Variants in IFT140 observed in about 807,000 individuals in gnomAD.
IFT140 encodes intraflagellar transport 140, also known as intraflagellar transport protein 140 homolog.
In IFT140, 133 loss-of-function variants were observed where a neutral mutation model predicts 164.6. That is an observed-to-expected ratio of 0.81 (90% CI 0.70 to 0.93). The LOEUF is 0.93. IFT140 is among the 40% of genes least tolerant of loss of function. The probability of loss-of-function intolerance (pLI) is 0.00; values close to 1 mark genes in which losing one functional copy is unlikely to be tolerated. For synonymous variants in IFT140, 860 were observed against 817.3 expected, an observed-to-expected ratio of 1.05 and a Z score of -0.89; for missense variants, 2,045 against 1,972.3, an observed-to-expected ratio of 1.04 and a Z score of -0.70.
intron 4 of IFT140, among the ~76,000 whole-genome samples, chr16:1,594,780 C>T (rs955237284): frequency 6.6e-6 from 1 of 152,182 alleles, no homozygotes; most frequent in African/African-American, 2.4e-5. Context: ...GGCAGCATCT[C>T]AGTCTGAGTC....
chr16:1,607,073 T>C, intron 3 of IFT140, 47 bp downstream of exon 3: 3 of 1,594,250 alleles, frequency 1.9e-6, no homozygotes, highest in Non-Finnish European at 2.6e-6. Context: ...ACAAACAACA[T>C]GAGCCAGAAG....
At chr16:1,578,727 T>C (rs2034401353) in intron 13 of IFT140, among the ~76,000 whole-genome samples, 1 of 152,038 alleles carries the variant, frequency 6.6e-6, no homozygotes, top group African/African-American at 2.4e-5. Context: ...TAAAAAGAAA[T>C]ACAAACATTA....
chr16:1,529,797 G>A (rs949460847), intron 19 of IFT140, among the ~76,000 whole-genome samples: 3 of 152,206 alleles, frequency 2.0e-5, no homozygotes, highest in South Asian at 2.1e-4. Context: ...CAGCTGCCCC[G>A]TGCTGAGACA....
intron 20 of IFT140, 72 bp downstream of exon 20, chr16:1,526,547 T>C: frequency 3.6e-6 from 5 of 1,396,074 alleles, no homozygotes; most frequent in African/African-American, 1.5e-5. Flanking sequence ...GCGTGCCTCC[T>C]CCTTCCCCAG....
Position 1,534,528 on chromosome 16 carries a change from T to C in IFT140, c.2400-7732A>G, listed in dbSNP as rs745887023. ...GGGCTGGGGCTCCGAGGCAGCCGGC[T>C]TCCAGGAGTCCCGAGGCACCGTCAA... On this transcript the variant is annotated intron_variant, in intron 19 of 30. Transcript: ENST00000426508. 13 of 1,605,890 alleles carry C rather than the reference T, an allele frequency of 8.1e-6. No individual in the cohort carries two copies. The African/African-American group carries it at 1.6e-4, about 20-fold the overall frequency.
intron 13 of IFT140, chr16:1,577,404 T>C (rs1182554411): frequency 6.6e-6 from 1 of 152,158 alleles, no homozygotes; most frequent in African/African-American, 2.4e-5. Context: ...ACATATGAAA[T>C]ATGTGTTAAT....
intron 19 of IFT140, among the ~76,000 whole-genome samples, chr16:1,547,056 T>G (rs866058872): frequency 1.3e-5 from 2 of 152,384 alleles, no homozygotes; most frequent in Middle Eastern, 6.8e-3. Flanking sequence ...GGTTTCCCCT[T>G]GTTTTGGTGC....
intron 3 of IFT140, among the ~76,000 whole-genome samples, chr16:1,603,683 A>G (rs1419982436): frequency 6.6e-6 from 1 of 152,136 alleles, no homozygotes; most frequent in African/African-American, 2.4e-5. Context: ...GTGTTTCATC[A>G]TATTGGCCAG....
At chr16:1,538,999 TGCCAC>T (rs1398130073) in intron 19 of IFT140, among the ~76,000 whole-genome samples, 1 of 152,070 alleles carries the variant, frequency 6.6e-6, no homozygotes, top group African/African-American at 2.4e-5. Context: ...AGCTGCACGG[TGCCAC>T]GCGGCCCCCC....
At chr16:1,602,328 G>C (rs1206231961) in intron 4 of IFT140, 42 bp downstream of exon 4, 1 of 1,549,990 alleles carries the variant, frequency 6.5e-7, no homozygotes, top group African/African-American at 1.4e-5. Flanking sequence ...TGGTCAGAAA[G>C]GGTCAAGGTC....
intron 19 of IFT140, among the ~76,000 whole-genome samples, chr16:1,528,164 C>A (rs1192810197): frequency 6.6e-6 from 1 of 152,112 alleles, no homozygotes; most frequent in Non-Finnish European, 1.5e-5. Flanking sequence ...CTGACGTGGG[C>A]TCAGGGCTTC....
chr16:1,522,973 T>TAA (rs765103820), intron 26 of IFT140, among the ~76,000 whole-genome samples: 4 of 151,950 alleles, frequency 2.6e-5, no homozygotes, highest in Non-Finnish European at 4.4e-5. Context: ...ACAGTCCCAG[T>TAA]GCTTTGGGAG....
At position 1,540,773 on chromosome 16, in the gene IFT140, T is replaced by G. The variant is rs548475882; in HGVS notation, c.2400-13977A>C. 14 of 936,612 alleles carry G rather than the reference T, an allele frequency of 1.5e-5. No homozygotes were observed. The African/African-American group carries it at 2.3e-4, about 15-fold the overall frequency. 58.0% of individuals were successfully genotyped at this position (936,612 alleles called of 1,614,324 possible). Reference sequence around the variant, plus strand: ...TTTCAAGGCAAGTCATTTAAAAAGGTGCAACTGTTTATAACGACTTAGTTT... The same window carrying G: ...TTTCAAGGCAAGTCATTTAAAAAGGGGCAACTGTTTATAACGACTTAGTTT... On this transcript the variant is annotated intron_variant, in intron 19 of 30. Transcript: ENST00000426508.
rs576507255 is a variant in IFT140 at position 1,602,196 on chromosome 16, G to C, written c.369+174C>G. On this transcript the variant is annotated intron_variant, in intron 4 of 30. Transcript: ENST00000426508. ...AAGGTGCAGACACACCTTTGCCACAGAGTGGCAAATTTTCAAGCCTTGCTT... is the reference window on the plus strand; with the variant it reads ...AAGGTGCAGACACACCTTTGCCACACAGTGGCAAATTTTCAAGCCTTGCTT... 3.9e-4 allele frequency: 248 copies of C among 634,034 alleles called. 1 individual carries two copies. The highest frequency in any genetic ancestry group is 6.0e-4 in the Non-Finnish European group (217 of 360,806). The allele number at this position is 634,034 out of a possible 1,614,324, so 39.3% of individuals were successfully genotyped here.
intron 18 of IFT140, among the ~76,000 whole-genome samples, chr16:1,558,761 A>G (rs2033243128): frequency 6.6e-6 from 1 of 152,126 alleles, no homozygotes; most frequent in Non-Finnish European, 1.5e-5. Context: ...CCTCATCTGG[A>G]TCCCGTTTCT....
At chr16:1,609,636 A>G (rs1308201652) in intron 2 of IFT140, among the ~76,000 whole-genome samples, 1 of 152,246 alleles carries the variant, frequency 6.6e-6, no homozygotes, top group East Asian at 1.9e-4. Context: ...TTGTATCAAT[A>G]TAAGAAACGG....
At position 1,531,955 on chromosome 16, in the gene IFT140, C is replaced by T. The variant is rs1317237287; in HGVS notation, c.2400-5159G>A. Reference sequence around the variant, plus strand: ...TTGTTGGAAGTTAGCCATTTGAAGACTCCCGAAAGATTAATGGTTTAGTTA... The same window carrying T: ...TTGTTGGAAGTTAGCCATTTGAAGATTCCCGAAAGATTAATGGTTTAGTTA... On this transcript the variant is annotated intron_variant, in intron 19 of 30. Coordinates refer to ENST00000426508, the MANE Select transcript of IFT140 (RefSeq NM_014714.4). This position sits in a 1 kb window ranked among gnomAD's most constrained non-coding sequence, Gnocchi z 4.7. 1 of 152,272 alleles carries T rather than the reference C, an allele frequency of 6.6e-6. No individual in the cohort carries two copies. The highest frequency in any genetic ancestry group is 1.5e-5 in the Non-Finnish European group (1 of 68,060). 9.4% of individuals were successfully genotyped at this position (152,272 alleles called of 1,614,324 possible). A position where few individuals can be genotyped will look rare whatever the true frequency, so the allele number is the denominator to read the frequency against.
intron 19 of IFT140, among the ~76,000 whole-genome samples, chr16:1,543,074 C>T (rs2031803180): frequency 6.6e-6 from 1 of 152,232 alleles, no homozygotes; most frequent in South Asian, 2.1e-4. Context: ...CTGGGGCAGG[C>T]TCAGGTCTCC....
rs2033704192 is a variant in IFT140 at position 1,566,183 on chromosome 16, A to G, written c.1879T>C (p.Phe627Leu). 1 of 1,613,712 alleles carries G rather than the reference A, an allele frequency of 6.2e-7. No individual in the cohort carries two copies. Among genetic ancestry groups the G allele is most frequent in the African/African-American group, 1.3e-5 (1 of 74,932 alleles). The change falls in exon 16 of 31, where the codon TTT becomes CTT. Residue 627 changes from phenylalanine (F) to leucine (L), a missense_variant. Coordinates refer to ENST00000426508, the MANE Select transcript of IFT140 (RefSeq NM_014714.4). ...TACTTATTAGTCTCTTGCTCATTAA[A>G]GGACAGCGTCTCTCTCCGATCAATT... ...GQIDRRETLS[F>L]NEQETNKSHL...
Sources: allele counts gnomAD v4.1 joint callset (sites outside exome capture counted in the v4.1 genomes callset), GRCh38; gene constraint gnomAD v4.1.1; non-coding constraint Gnocchi (gnomAD v3.1); transcripts MANE v1.5; gene names NCBI Gene and HGNC (gene_info 2026-07-23, HGNC 2026-07-21).